Variants in ZFHX3 observed in about 807,000 individuals in gnomAD.
ZFHX3 encodes the protein zinc finger homeobox 3, also known as zinc finger homeobox protein 3.
A neutral mutation model predicts 279.1 loss-of-function variants in ZFHX3; 42 were observed. The ratio of observed to expected loss-of-function variants is 0.15; its 90% CI spans 0.12 to 0.19. ZFHX3 has a LOEUF of 0.19. Among genes scored for constraint, ZFHX3 ranks in the 10% least tolerant of loss-of-function variants. ZFHX3 has a pLI of 1.00. For missense variants in ZFHX3, 4,981 were observed against 4,754.0 expected (o/e 1.05, Z -1.40); for synonymous variants, 2,293 against 1,957.8 (o/e 1.17, Z -4.52).
intron 1 of ZFHX3, among the ~76,000 whole-genome samples, chr16:73,799,960 C>T (rs557941976): frequency 1.3e-5 from 2 of 151,916 alleles, no homozygotes; most frequent in African/African-American, 2.4e-5. Flanking sequence ...TTTGGGAGGC[C>T]GAGGAGGATC....
At chr16:72,954,574 G>A (rs1474078191) in intron 2 of ZFHX3, among the ~76,000 whole-genome samples, 1 of 152,148 alleles carries the variant, frequency 6.6e-6, no homozygotes, top group African/African-American at 2.4e-5. Flanking sequence ...AAAGGGAGAC[G>A]AAGGGAGCTG....
chr16:73,248,123 A>G lies in ZFHX3; in HGVS notation c.-1104+8924T>C, dbSNP rs111209791. Among the ~76,000 whole-genome samples the G allele has an allele frequency of 7.7e-3, 1,166 of 151,166 alleles. 23 individuals carry two copies. Among genetic ancestry groups the G allele is most frequent in the African/African-American group, 0.027 (1,118 of 41,080 alleles). On this transcript the variant is annotated intron_variant, in intron 5 of 17. Coordinates refer to the ZFHX3 transcript ENST00000641206. ...GTGCCTGTATGTGGAGTGTGTGTGT[A>G]TACTGTGTATAAAATGTGTGTGTTT... is the stretch of plus-strand genomic sequence containing the variant.
intron 2 of ZFHX3, among the ~76,000 whole-genome samples, chr16:73,523,187 A>G (rs2019635223): frequency 6.6e-6 from 1 of 152,154 alleles, no homozygotes; most frequent in African/African-American, 2.4e-5. Flanking sequence ...ATGATTTGGG[A>G]TTTATTATAA....
At chr16:73,637,549 AAG>A (rs1472296438) in intron 2 of ZFHX3, among the ~76,000 whole-genome samples, 2 of 152,098 alleles carry the variant, frequency 1.3e-5, no homozygotes, top group African/African-American at 4.8e-5. Context: ...GTGTTTTAAA[AAG>A]ACAGGTTGAA....
At chr16:73,056,808 C>A (rs1276707187) in intron 1 of ZFHX3, among the ~76,000 whole-genome samples, 1 of 152,236 alleles carries the variant, frequency 6.6e-6, no homozygotes, top group African/African-American at 2.4e-5. Context: ...CCCTCGCCCA[C>A]TGCCCAAGCC....
chr16:73,031,413 G>A (rs1964694193), intron 1 of ZFHX3, among the ~76,000 whole-genome samples: 1 of 152,172 alleles, frequency 6.6e-6, no homozygotes, highest in African/African-American at 2.4e-5. Context: ...GGGGAAGAAA[G>A]AGAGGGTTTG....
At position 73,607,799 on chromosome 16, in the gene ZFHX3, C is replaced by T. The variant is rs564213680; in HGVS notation, c.-1547+72381G>A. Among the ~76,000 whole-genome samples, 3 of 152,298 alleles carry T rather than the reference C, an allele frequency of 2.0e-5. No homozygotes were observed. In the East Asian group the frequency reaches 5.8e-4, roughly 29 times the overall value. ...AATGGGAGAAGGTCCTGTGCGGTGG[C>T]TCATGCCTGTAATCTCAACACTTTG... On this transcript the variant is annotated intron_variant, in intron 2 of 17. Coordinates refer to the ZFHX3 transcript ENST00000641206.
chr16:73,109,938 G>A (rs1465974604), intron 7 of ZFHX3, among the ~76,000 whole-genome samples: 4 of 151,978 alleles, frequency 2.6e-5, no homozygotes, highest in Admixed American at 6.6e-5. Flanking sequence ...CTAATGATAC[G>A]ACATTAAAGA....
At chr16:73,570,949 C>CAAAAAAAA (rs71156173) in intron 2 of ZFHX3, among the ~76,000 whole-genome samples, 1 of 142,060 alleles carries the variant, frequency 7.0e-6, no homozygotes, top group Non-Finnish European at 1.5e-5. Flanking sequence ...CTTTTCTTCT[C>CAAAAAAAA]AAAAAAAAAA....
At chr16:73,840,656 T>C (rs1339811722) in intron 1 of ZFHX3, among the ~76,000 whole-genome samples, 4 of 152,196 alleles carry the variant, frequency 2.6e-5, no homozygotes, top group Admixed American at 6.5e-5. Flanking sequence ...CTAAAGAGCC[T>C]CCAAGGCACT....
chr16:73,426,680 C>T (rs1336892503), intron 3 of ZFHX3, among the ~76,000 whole-genome samples: 1 of 152,096 alleles, frequency 6.6e-6, no homozygotes, highest in Non-Finnish European at 1.5e-5. Flanking sequence ...AATATGACGG[C>T]TGCATGAGCT....
chr16:73,686,089 CTTATTTAT>C (rs71374579), intron 1 of ZFHX3, among the ~76,000 whole-genome samples: 1 of 151,714 alleles, frequency 6.6e-6, no homozygotes, highest in African/African-American at 2.4e-5. Context: ...TCAGACATTT[CTTATTTAT>C]TTATTTATTT....
At chr16:73,529,068 T>C (rs760524129) in intron 2 of ZFHX3, among the ~76,000 whole-genome samples, 2 of 152,180 alleles carry the variant, frequency 1.3e-5, no homozygotes, top group Admixed American at 6.5e-5. Context: ...AAATACATTC[T>C]AGGAAAACAA....
At chr16:73,297,649 A>G (rs1415479474) in intron 4 of ZFHX3, among the ~76,000 whole-genome samples, 1 of 151,918 alleles carries the variant, frequency 6.6e-6, no homozygotes, top group Non-Finnish European at 1.5e-5. Context: ...TGGACTTCTC[A>G]TTTTAAAAGA....
chr16:73,220,925 T>G (rs971282874), intron 5 of ZFHX3, among the ~76,000 whole-genome samples: 1 of 151,626 alleles, frequency 6.6e-6, no homozygotes, highest in Non-Finnish European at 1.5e-5. Context: ...GGGAGGGAGG[T>G]GTACTCAGGG....
intron 7 of ZFHX3, among the ~76,000 whole-genome samples, chr16:73,110,157 T>C (rs1301438035): frequency 2.0e-5 from 3 of 151,842 alleles, no homozygotes; most frequent in Admixed American, 6.6e-5. Context: ...TGAGCTGAGA[T>C]TGCGCCACTG....
intron 1 of ZFHX3, among the ~76,000 whole-genome samples, chr16:72,997,607 C>T (rs774756386): frequency 6.6e-6 from 1 of 152,186 alleles, no homozygotes; most frequent in African/African-American, 2.4e-5. Context: ...CATCTCCCCC[C>T]AGACTTATTC....
intron 3 of ZFHX3, among the ~76,000 whole-genome samples, chr16:72,909,816 C>A (rs1191089665): frequency 7.1e-6 from 1 of 140,902 alleles, no homozygotes; most frequent in African/African-American, 2.7e-5. Flanking sequence ...AAGTTGAGGC[C>A]GCAATGAGCC....
At chr16:73,082,491 G>C (rs186349437) in intron 8 of ZFHX3, among the ~76,000 whole-genome samples, 26 of 151,912 alleles carry the variant, frequency 1.7e-4, no homozygotes, top group African/African-American at 4.3e-4. Context: ...GGATGGTCTC[G>C]ATCTCCTGAC....
Sources: allele counts gnomAD v4.1 joint callset (sites outside exome capture counted in the v4.1 genomes callset), GRCh38; gene constraint gnomAD v4.1.1; transcripts MANE v1.5; gene names NCBI Gene and HGNC (gene_info 2026-07-23, HGNC 2026-07-21).